C2orf76: variants seen among roughly 807,000 people sequenced by gnomAD.
C2orf76 encodes the protein UPF0538 protein C2orf76.
Under a neutral mutation model 16.9 loss-of-function variants are expected in C2orf76, and 23 were observed. The observed-to-expected ratio is 1.36, with a 90% CI of 0.98 to 1.93. The LOEUF (loss-of-function observed/expected upper bound fraction) is 1.93, where lower values mean the gene tolerates loss of function less well. Ranked by LOEUF, C2orf76 falls within the 30% of genes most tolerant of loss-of-function variation. The pLI, the probability that C2orf76 is intolerant of heterozygous loss-of-function variation, is 0.00. For synonymous variants in C2orf76, 48 were observed against 52.3 expected (o/e 0.92, Z 0.35); for missense variants, 152 against 152.6 (o/e 1.00, Z 0.02).
intron 1 of C2orf76, among the ~76,000 whole-genome samples, chr2:119,355,558 T>C (rs1486917104): frequency 6.6e-6 from 1 of 152,190 alleles, no homozygotes; most frequent in East Asian, 1.9e-4. Flanking sequence ...TGATTGCCCC[T>C]GTGGGACCTA....
In C2orf76 at chr2:119,341,794, GA is replaced by G. The variant is rs1411598185; in HGVS notation, c.-12-1824del. 2.6e-5 allele frequency among the ~76,000 whole-genome samples: 4 copies of G among 152,120 alleles called. No individual in the cohort carries two copies. The East Asian group carries it at 7.7e-4, about 29-fold the overall frequency. On this transcript the variant is annotated intron_variant, in intron 1 of 5. Coordinates refer to ENST00000334816, the MANE Select transcript of C2orf76 (RefSeq NM_001322331.2). ...ATATACAATATCACTAGTAGTCAGG[GA>G]AATTCAAAATAACAGTGAGACATAT...
intron 1 of C2orf76, among the ~76,000 whole-genome samples, chr2:119,365,833 C>G (rs1306744678): frequency 6.6e-6 from 1 of 152,106 alleles, no homozygotes; most frequent in Non-Finnish European, 1.5e-5. Context: ...CGTTCCCCTC[C>G]GTCTCCTCAT....
Position 119,327,336 on chromosome 2 carries a change from ATTTTTTTT to A in C2orf76, c.134-6140_134-6133del, listed in dbSNP as rs34185420. ...ACTATTAATATGATGAATTACATGGATTTTTTTTTTTTTTTTTTTTTTTTTTGGTGGAA... is the reference window on the plus strand; with the variant it reads ...ACTATTAATATGATGAATTACATGGATTTTTTTTTTTTTTTTTTGGTGGAA... On this transcript the variant is annotated intron_variant, in intron 2 of 5. Transcript: ENST00000334816. Among the ~76,000 whole-genome samples, 237 of 68,688 alleles carry A rather than the reference ATTTTTTTT, an allele frequency of 3.5e-3. 1 individual carries two copies. The highest frequency in any genetic ancestry group is 0.019 in the Middle Eastern group (1 of 54). 45.1% of individuals were successfully genotyped at this position (68,688 alleles called of 152,430 possible).
At chr2:119,305,200 C>A (rs982223572) in intron 5 of C2orf76, among the ~76,000 whole-genome samples, 6 of 152,124 alleles carry the variant, frequency 3.9e-5, no homozygotes, top group Non-Finnish European at 8.8e-5. Flanking sequence ...CCTTTTAATA[C>A]TGATGTTCAA....
Position 119,304,350 on chromosome 2 carries a change from C to T in C2orf76, c.305-1802G>A, listed in dbSNP as rs186012710. 3.9e-5 allele frequency among the ~76,000 whole-genome samples: 6 copies of T among 152,350 alleles called. No individual in the cohort carries two copies. The East Asian group carries it at 7.7e-4, about 20-fold the overall frequency. Reference sequence around the variant, plus strand: ...ACGCTAACTGTAATTACAATTTTCACTTACTGCAGTTGACATTTATCTGAA... The same window carrying T: ...ACGCTAACTGTAATTACAATTTTCATTTACTGCAGTTGACATTTATCTGAA... On this transcript the variant is annotated intron_variant, in intron 5 of 5. Transcript: ENST00000334816.
intron 1 of C2orf76, among the ~76,000 whole-genome samples, chr2:119,356,765 A>C (rs576425319): frequency 6.7e-6 from 1 of 149,194 alleles, no homozygotes; most frequent in Non-Finnish European, 1.5e-5. Flanking sequence ...CCAGCTAGGG[A>C]AAAAAAAAAG....
At chr2:119,352,142 G>A (rs1573682062) in intron 1 of C2orf76, among the ~76,000 whole-genome samples, 1 of 152,028 alleles carries the variant, frequency 6.6e-6, no homozygotes, top group African/African-American at 2.4e-5. Flanking sequence ...CTGACCTTCC[G>A]TCATGCCACA....
At chr2:119,319,367 T>C (rs6711162) in intron 3 of C2orf76, among the ~76,000 whole-genome samples, 10,428 of 152,208 alleles carry the variant, frequency 0.069, 1,140 homozygotes, top group African/African-American at 0.24. Context: ...AGCAGAGAGA[T>C]GTATTACTGT....
At position 119,343,340 on chromosome 2, in the gene C2orf76, G is replaced by A. The variant is rs1012648075; in HGVS notation, c.-12-3369C>T. Among the ~76,000 whole-genome samples, 33 of 152,150 alleles carry A rather than the reference G, an allele frequency of 2.2e-4. No individual in the cohort carries two copies. The Middle Eastern group carries it at 0.014, about 63-fold the overall frequency. On this transcript the variant is annotated intron_variant, in intron 1 of 5. Coordinates refer to ENST00000334816, the MANE Select transcript of C2orf76 (RefSeq NM_001322331.2). ...AATAAGGAGTAGCTCTTCAGAAAGAGACATATAGAAGCCTCTTGTATTTTA... is the reference window on the plus strand; with the variant it reads ...AATAAGGAGTAGCTCTTCAGAAAGAAACATATAGAAGCCTCTTGTATTTTA...
intron 2 of C2orf76, among the ~76,000 whole-genome samples, chr2:119,325,033 T>C (rs896939262): frequency 3.3e-5 from 5 of 151,890 alleles, no homozygotes; most frequent in African/African-American, 1.2e-4. Flanking sequence ...AGGTATATGT[T>C]TAGCTTTCTA....
intron 1 of C2orf76, among the ~76,000 whole-genome samples, chr2:119,343,082 A>C (rs982351863): frequency 2.0e-5 from 3 of 152,172 alleles, no homozygotes; most frequent in African/African-American, 4.8e-5. Context: ...TTTATAACAT[A>C]CACAAGCAAG....
At chr2:119,355,630 G>C (rs556842050) in intron 1 of C2orf76, among the ~76,000 whole-genome samples, 27 of 152,262 alleles carry the variant, frequency 1.8e-4, no homozygotes, top group African/African-American at 6.5e-4. Flanking sequence ...TCATAGGAGC[G>C]TGAACCCTAT....
chr2:119,302,657 G>A (rs1335887603), intron 5 of C2orf76, 109 bp from the exon 6 acceptor site: 2 of 502,930 alleles, frequency 4.0e-6, no homozygotes, highest in Non-Finnish European at 6.7e-6. Context: ...AGCTTCAGAT[G>A]CCCAAAGTGA....
chr2:119,289,011 A>G, the C2orf76 span, among the ~76,000 whole-genome samples: 8 of 152,050 alleles, frequency 5.3e-5, no homozygotes, highest in African/African-American at 1.9e-4. Flanking sequence ...CTCTACTTTC[A>G]AGTGTATAAG....
intron 2 of C2orf76, among the ~76,000 whole-genome samples, chr2:119,323,629 C>CACAAAACAAA (rs761023309): frequency 3.9e-5 from 6 of 152,002 alleles, no homozygotes; most frequent in Non-Finnish European, 4.4e-5. Context: ...GATATTTAAA[C>CACAAAACAAA]ACAAAACAAA....
chr2:119,357,152 C>A (rs969292245), intron 1 of C2orf76, among the ~76,000 whole-genome samples: 2 of 152,038 alleles, frequency 1.3e-5, no homozygotes, highest in Admixed American at 1.3e-4. Context: ...GAATTAACAT[C>A]AATTGTACAC....
the C2orf76 span, among the ~76,000 whole-genome samples, chr2:119,290,269 G>A: frequency 6.6e-6 from 1 of 151,866 alleles, no homozygotes; most frequent in African/African-American, 2.4e-5. Context: ...AAATGGAGGA[G>A]GCTGCCTATC....
At chr2:119,286,662 G>A in the C2orf76 span, among the ~76,000 whole-genome samples, 5 of 152,128 alleles carry the variant, frequency 3.3e-5, no homozygotes, top group African/African-American at 7.2e-5. Flanking sequence ...TGAACAGGGA[G>A]GGATACAGCA....
intron 2 of C2orf76, among the ~76,000 whole-genome samples, chr2:119,325,450 A>T (rs997985647): frequency 5.0e-5 from 6 of 120,516 alleles, no homozygotes; most frequent in African/African-American, 2.1e-4. Flanking sequence ...ACAGAGCAAG[A>T]CTGTCTCAAA....
Sources: allele counts gnomAD v4.1 joint callset (sites outside exome capture counted in the v4.1 genomes callset), GRCh38; gene constraint gnomAD v4.1.1; transcripts MANE v1.5; gene names NCBI Gene and HGNC (gene_info 2026-07-23, HGNC 2026-07-21).